MBOAT2: variants seen among roughly 807,000 people sequenced by gnomAD.
MBOAT2 encodes membrane bound glycerophospholipid O-acyltransferase 2.
MBOAT2 carries 28 observed loss-of-function variants against 63.4 expected under a neutral mutation model. The ratio of observed to expected loss-of-function variants is 0.44; its 90% CI spans 0.33 to 0.61. The LOEUF is 0.61. MBOAT2 is among the 20% of genes least tolerant of loss of function. The pLI, the probability that MBOAT2 is intolerant of heterozygous loss-of-function variation, is 0.03. For synonymous variants in MBOAT2, 211 were observed against 215.6 expected, an observed-to-expected ratio of 0.98 and a Z score of 0.19; for missense variants, 470 against 605.8, an observed-to-expected ratio of 0.78 and a Z score of 2.35.
chr2:8,995,987 AG>A (rs1382059397), intron 1 of MBOAT2, among the ~76,000 whole-genome samples: 1 of 152,200 alleles, frequency 6.6e-6, no homozygotes, highest in Non-Finnish European at 1.5e-5. Context: ...GGGGGGAAGC[AG>A]GGGCCCTGTC....
chr2:8,864,340 G>A, intron 9 of MBOAT2, 106 bp from the exon 10 acceptor site: 3 of 577,698 alleles, frequency 5.2e-6, no homozygotes, highest in Non-Finnish European at 5.7e-6. Flanking sequence ...ACTTAACATC[G>A]ATGGTAGTAT....
chr2:8,909,400 A>G (rs1399632019), intron 3 of MBOAT2, among the ~76,000 whole-genome samples: 1 of 152,200 alleles, frequency 6.6e-6, no homozygotes, highest in African/African-American at 2.4e-5. Context: ...GGGTGGGGAA[A>G]AGCAAGCTAT....
chr2:8,887,880 G>T, intron 5 of MBOAT2, 138 bp downstream of exon 5: 1 of 794,250 alleles, frequency 1.3e-6, no homozygotes, highest in Non-Finnish European at 2.2e-6. Context: ...ATAATCCTAA[G>T]CACAGTTAAG....
chr2:8,877,238 G>A, intron 6 of MBOAT2, 25 bp from the exon 7 acceptor site: 1 of 1,597,664 alleles, frequency 6.3e-7, no homozygotes, highest in Middle Eastern at 1.7e-4. Flanking sequence ...CATGCAACCA[G>A]TGAGATGCAG....
At chr2:8,968,193 C>T (rs143407109) in intron 1 of MBOAT2, among the ~76,000 whole-genome samples, 3 of 152,104 alleles carry the variant, frequency 2.0e-5, no homozygotes, top group South Asian at 4.2e-4. Flanking sequence ...TCCAGAGGAA[C>T]GATCAGGCAG....
At chr2:8,926,557 T>C (rs1207878934) in intron 3 of MBOAT2, among the ~76,000 whole-genome samples, 1 of 152,164 alleles carries the variant, frequency 6.6e-6, no homozygotes, top group African/African-American at 2.4e-5. Flanking sequence ...GTAGAGCATG[T>C]GTGCACTACT....
At chr2:8,924,971 T>C (rs746454430) in intron 3 of MBOAT2, among the ~76,000 whole-genome samples, 12 of 152,094 alleles carry the variant, frequency 7.9e-5, no homozygotes, top group Admixed American at 2.0e-4. Context: ...AGTATCTCAA[T>C]AAGTACATAT....
chr2:8,902,151 T>C (rs1012968259), intron 4 of MBOAT2, among the ~76,000 whole-genome samples: 2 of 151,974 alleles, frequency 1.3e-5, no homozygotes, highest in African/African-American at 2.4e-5. Context: ...CAGGGGTTGT[T>C]AAGAGAGCCC....
chr2:8,973,484 A>G (rs930781678), intron 1 of MBOAT2, among the ~76,000 whole-genome samples: 6 of 151,630 alleles, frequency 4.0e-5, no homozygotes, highest in Non-Finnish European at 8.8e-5. Context: ...AAACCTGCAC[A>G]TTGTGCACAT....
chr2:8,951,125 T>C (rs1027760384), intron 2 of MBOAT2, among the ~76,000 whole-genome samples: 1 of 152,152 alleles, frequency 6.6e-6, no homozygotes, highest in African/African-American at 2.4e-5. Flanking sequence ...ATCAGAGTGA[T>C]GCTGGCTTCA....
chr2:8,867,223 C>CT (rs1209879733), intron 9 of MBOAT2, among the ~76,000 whole-genome samples: 144 of 152,162 alleles, frequency 9.5e-4, no homozygotes, highest in African/African-American at 3.3e-3. Context: ...TGCCATGTTG[C>CT]CCAGGCTGGT....
rs1476351460 is a variant in MBOAT2 at position 8,862,515 on chromosome 2, T to C, written c.1185+75A>G. 1 of 1,519,766 alleles carries C rather than the reference T, an allele frequency of 6.6e-7. No homozygotes were observed. Among genetic ancestry groups the C allele is most frequent in the Non-Finnish European group, 8.9e-7 (1 of 1,120,536 alleles). 94.1% of individuals were successfully genotyped at this position (1,519,766 alleles called of 1,614,324 possible). Reference sequence around the variant, plus strand: ...GACCAAGGAAAGAGGGTCTACCTTGTAAGAGAGATGTACTCAGCCTTTTTA... The same window carrying C: ...GACCAAGGAAAGAGGGTCTACCTTGCAAGAGAGATGTACTCAGCCTTTTTA... On this transcript the variant is annotated intron_variant, in intron 11 of 12. Transcript: ENST00000305997. The surrounding 1 kb of genome is among the most constrained non-coding windows in gnomAD (Gnocchi z 4.3).
In MBOAT2 at chr2:8,856,548, TTC is replaced by T. The variant is rs1661096485; in HGVS notation, c.*2129_*2130del. The stretch of plus-strand genomic sequence containing the variant: ...TCTCACATTAAACAGCTGGCATAAT[TTC>T]TTTTTTCTTTTTTTTTTTTTGTGAG... On this transcript the variant is annotated 3_prime_UTR_variant, in exon 13 of 13. Transcript: ENST00000305997. This position sits in a 1 kb window ranked among gnomAD's most constrained non-coding sequence, Gnocchi z 4.2. The T allele has an allele frequency of 2.0e-5, 3 of 151,956 alleles. No homozygotes were observed. Among genetic ancestry groups the T allele is most frequent in the Middle Eastern group, 3.4e-3 (1 of 296 alleles). 9.4% of individuals were successfully genotyped at this position (151,956 alleles called of 1,614,324 possible).
intron 1 of MBOAT2, among the ~76,000 whole-genome samples, chr2:8,979,049 A>G (rs931215576): frequency 2.6e-5 from 4 of 152,166 alleles, no homozygotes; most frequent in African/African-American, 9.7e-5. Flanking sequence ...TCAAGTCTTC[A>G]AATTATGCTT....
Position 8,862,614 on chromosome 2 carries a change from C to T in MBOAT2, c.1161G>A (p.Val387=), listed in dbSNP as rs1243257600. ...CAGCTCTTGCTGCTAATGTCATTAACACCCCTGTTAGAAACGTTAGATAAT... is the reference window on the plus strand; with the variant it reads ...CAGCTCTTGCTGCTAATGTCATTAATACCCCTGTTAGAAACGTTAGATAAT... ...PGYYLTFLTG[V]LMTLAARAMR... is the part of the protein sequence containing the mutation. The change falls in exon 11 of 13, where the codon GTG becomes GTA. Residue 387 remains valine, a synonymous_variant. Coordinates refer to ENST00000305997, the MANE Select transcript of MBOAT2 (RefSeq NM_138799.4). The surrounding 1 kb of genome is among the most constrained non-coding windows in gnomAD (Gnocchi z 4.3). 1.2e-6 allele frequency: 2 copies of T among 1,611,802 alleles called. No individual in the cohort carries two copies. The highest frequency in any genetic ancestry group is 1.7e-6 in the Non-Finnish European group (2 of 1,179,430).
chr2:8,909,605 A>C (rs1665563734), intron 3 of MBOAT2, among the ~76,000 whole-genome samples: 1 of 152,226 alleles, frequency 6.6e-6, no homozygotes, highest in African/African-American at 2.4e-5. Flanking sequence ...GACCAAATAA[A>C]AATCTTTGTC....
rs557852927 is a variant in MBOAT2, at chr2:8,871,163, TA to T, written c.883+1944del. Among the ~76,000 whole-genome samples, 5 of 152,138 alleles carry T rather than the reference TA, an allele frequency of 3.3e-5. No homozygotes were observed. The East Asian group carries it at 7.7e-4, about 24-fold the overall frequency. On this transcript the variant is annotated intron_variant, in intron 8 of 12. Coordinates refer to ENST00000305997, the MANE Select transcript of MBOAT2 (RefSeq NM_138799.4). ...GTGTGCAACACCACACCTGGCTAATTAAAAAAATTTTTTTTGAAGAGATGGG... is the reference window on the plus strand; with the variant it reads ...GTGTGCAACACCACACCTGGCTAATTAAAAAATTTTTTTTGAAGAGATGGG...
At chr2:8,936,627 C>T (rs547657983) in intron 3 of MBOAT2, among the ~76,000 whole-genome samples, 36 of 151,754 alleles carry the variant, frequency 2.4e-4, no homozygotes, top group South Asian at 2.3e-3. Flanking sequence ...ACTAAAAACA[C>T]AAAAATTAGC....
intron 4 of MBOAT2, among the ~76,000 whole-genome samples, chr2:8,903,657 G>A (rs1323730296): frequency 1.3e-5 from 2 of 152,098 alleles, no homozygotes; most frequent in Non-Finnish European, 2.9e-5. Flanking sequence ...ACAATTTACT[G>A]AGTACAGCCT....
Sources: allele counts gnomAD v4.1 joint callset (sites outside exome capture counted in the v4.1 genomes callset), GRCh38; gene constraint gnomAD v4.1.1; non-coding constraint Gnocchi (gnomAD v3.1); transcripts MANE v1.5; gene names NCBI Gene and HGNC (gene_info 2026-07-23, HGNC 2026-07-21).